HIRA: variants seen among roughly 807,000 people sequenced by gnomAD.
HIRA encodes protein HIRA.
A neutral mutation model predicts 126.6 loss-of-function variants in HIRA; 13 were observed. The observed-to-expected ratio is 0.10, with a 90% CI of 0.07 to 0.16. The LOEUF (loss-of-function observed/expected upper bound fraction) is 0.16. Ranked by LOEUF, HIRA falls within the 10% of genes least tolerant of loss-of-function variation. The probability of loss-of-function intolerance (pLI) is 1.00; values close to 1 mark genes in which losing one functional copy is unlikely to be tolerated. For synonymous variants in HIRA, 511 were observed against 520.0 expected, an observed-to-expected ratio of 0.98 and a Z score of 0.24; for missense variants, 834 against 1,314.4, an observed-to-expected ratio of 0.63 and a Z score of 5.65.
chr22:19,400,788 C>T (rs2089261804), intron 5 of HIRA, among the ~76,000 whole-genome samples: 1 of 152,138 alleles, frequency 6.6e-6, no homozygotes, highest in South Asian at 2.1e-4. Context: ...TTAAATTCCT[C>T]CTTCCCTTCT....
intron 1 of HIRA, among the ~76,000 whole-genome samples, chr22:19,418,681 G>A (rs373278291): frequency 5.3e-4 from 81 of 152,178 alleles, no homozygotes; most frequent in African/African-American, 1.5e-3. Flanking sequence ...TCAGCATCTC[G>A]ACTGCAGTGG....
intron 18 of HIRA, 130 bp downstream of exon 18, chr22:19,359,206 A>G: frequency 1.0e-6 from 1 of 965,396 alleles, no homozygotes; most frequent in Non-Finnish European, 1.4e-6. Flanking sequence ...CCTGGAGTGA[A>G]GCCTGGTGTG....
chr22:19,388,408 A>G (rs1456683935), intron 10 of HIRA, 76 bp downstream of exon 10: 3 of 1,171,898 alleles, frequency 2.6e-6, no homozygotes, highest in African/African-American at 3.0e-5. Flanking sequence ...GACCCTAGTC[A>G]CACCCAGAAG....
chr22:19,370,864 G>C (rs2088958391), intron 15 of HIRA, among the ~76,000 whole-genome samples: 1 of 152,148 alleles, frequency 6.6e-6, no homozygotes, highest in African/African-American at 2.4e-5. Context: ...TACAGATCTT[G>C]CTACAGCTGT....
chr22:19,347,227 C>A (rs374867310), intron 24 of HIRA, among the ~76,000 whole-genome samples: 8 of 152,186 alleles, frequency 5.3e-5, no homozygotes, highest in African/African-American at 1.9e-4. Context: ...AAAAGGAAAC[C>A]TGAGGCCACT....
chr22:19,371,312 T>C (rs950231591), intron 15 of HIRA, among the ~76,000 whole-genome samples: 5 of 152,200 alleles, frequency 3.3e-5, no homozygotes, highest in Admixed American at 2.0e-4. Flanking sequence ...CTGGCCAATT[T>C]TGTAGACTGA....
At chr22:19,339,805 T>C (rs142644420) in intron 24 of HIRA, among the ~76,000 whole-genome samples, 81 of 152,218 alleles carry the variant, frequency 5.3e-4, no homozygotes, top group African/African-American at 1.9e-3. Context: ...TATATAACCC[T>C]CCTAGATTCA....
intron 4 of HIRA, among the ~76,000 whole-genome samples, chr22:19,406,751 TAG>T (rs2089311180): frequency 6.6e-6 from 1 of 152,046 alleles, no homozygotes; most frequent in African/African-American, 2.4e-5. Flanking sequence ...CTTTTGAGAG[TAG>T]AGCAGAGGCT....
chr22:19,396,740 G>C, intron 7 of HIRA, 47 bp downstream of exon 7: 1 of 1,597,866 alleles, frequency 6.3e-7, no homozygotes. Context: ...TCAGGAAGAG[G>C]CTGGGGCAGC....
intron 1 of HIRA, among the ~76,000 whole-genome samples, chr22:19,426,697 G>A (rs1383855982): frequency 4.6e-5 from 7 of 152,148 alleles, no homozygotes; most frequent in Non-Finnish European, 1.0e-4. Context: ...TACCAGAAAG[G>A]TTCAATGTTT....
Position 19,380,611 on chromosome 22 carries a change from T to TTTTA in HIRA, c.1416-2549_1416-2546dup, listed in dbSNP as rs571446092. On this transcript the variant is annotated intron_variant, in intron 13 of 24. Transcript: ENST00000263208. ...CTATTTATTTTTCCAGATAACTTTA[T>TTTTA]TTTATTTATTTATTTATTTGATACA... Among the ~76,000 whole-genome samples the TTTTA allele has an allele frequency of 3.3e-3, 509 of 152,174 alleles. 4 individuals are homozygous for TTTTA. The highest frequency in any genetic ancestry group is 0.01 in the Middle Eastern group (3 of 294).
At chr22:19,400,057 G>A (rs766263671) in intron 5 of HIRA, among the ~76,000 whole-genome samples, 11 of 152,184 alleles carry the variant, frequency 7.2e-5, no homozygotes, top group Non-Finnish European at 1.3e-4. Flanking sequence ...GCCCAGAAAG[G>A]AGAAGGGATT....
rs111360034 is a variant in HIRA, at chr22:19,425,830, A to G, written c.37+5610T>C. Among the ~76,000 whole-genome samples, 142 of 152,196 alleles carry G rather than the reference A, an allele frequency of 9.3e-4. 1 individual carries two copies. Among genetic ancestry groups the G allele is most frequent in the African/African-American group, 3.2e-3 (133 of 41,522 alleles). Reference sequence around the variant, plus strand: ...GAAAATGTGTATTAAAAATACAAAAACACTAAATACCGAATACTAAAAATA... The same window carrying G: ...GAAAATGTGTATTAAAAATACAAAAGCACTAAATACCGAATACTAAAAATA... On this transcript the variant is annotated intron_variant, in intron 1 of 24. Coordinates refer to ENST00000263208, the MANE Select transcript of HIRA (RefSeq NM_003325.4).
intron 13 of HIRA, among the ~76,000 whole-genome samples, chr22:19,378,912 C>G (rs1030002327): frequency 6.6e-6 from 1 of 152,176 alleles, no homozygotes; most frequent in Non-Finnish European, 1.5e-5. Flanking sequence ...TGTATGAGAG[C>G]GCCTATTTCT....
In HIRA at chr22:19,383,658, T is replaced by C. The variant is rs758190081; in HGVS notation, c.1377A>G (p.Arg459=). Residue 459 remains arginine, a synonymous_variant, in exon 13 of 25, where the codon AGA becomes AGG. Coordinates refer to ENST00000263208, the MANE Select transcript of HIRA (RefSeq NM_003325.4). ...GTGCTATGCAGAGAGGCGTGATTCT[T>C]CTCCGGCCATCTGCTGTCCGAGTCT... ...QVETRTADGR[R]RITPLCIAQL... is the part of the protein sequence containing the mutation. 32 of 1,614,070 alleles carry C rather than the reference T, an allele frequency of 2.0e-5. No individual in the cohort carries two copies. The highest frequency in any genetic ancestry group is 2.6e-5 in the Non-Finnish European group (31 of 1,180,014).
At chr22:19,343,542 G>A (rs1411918926) in intron 24 of HIRA, among the ~76,000 whole-genome samples, 1 of 152,140 alleles carries the variant, frequency 6.6e-6, no homozygotes, top group African/African-American at 2.4e-5. Flanking sequence ...CAGCCTGGGT[G>A]GCAGAGTCAG....
intron 15 of HIRA, among the ~76,000 whole-genome samples, chr22:19,363,493 C>T (rs1367883159): frequency 6.6e-6 from 1 of 152,034 alleles, no homozygotes; most frequent in Non-Finnish European, 1.5e-5. Flanking sequence ...GTGATTCTAA[C>T]TATATGACAA....
chr22:19,353,961 C>A, intron 22 of HIRA, 35 bp downstream of exon 22: 2 of 1,608,808 alleles, frequency 1.2e-6, no homozygotes, highest in South Asian at 1.1e-5. Context: ...CAGGGCAGGA[C>A]TAAGGACAGT....
chr22:19,392,603 A>G (rs141795256), intron 8 of HIRA, among the ~76,000 whole-genome samples: 1 of 152,344 alleles, frequency 6.6e-6, no homozygotes, highest in Non-Finnish European at 1.5e-5. Context: ...GGGCTTCAGA[A>G]ACAAAGACCT....
Sources: allele counts gnomAD v4.1 joint callset (sites outside exome capture counted in the v4.1 genomes callset), GRCh38; gene constraint gnomAD v4.1.1; transcripts MANE v1.5; gene names NCBI Gene and HGNC (gene_info 2026-07-23, HGNC 2026-07-21).